Variants in TRABD2B observed in about 807,000 individuals in gnomAD.
TRABD2B encodes TraB domain containing 2B.
A neutral mutation model predicts 40.1 loss-of-function variants in TRABD2B; 14 were observed. The observed-to-expected ratio is 0.35, with a 90% CI of 0.23 to 0.55. TRABD2B has a LOEUF of 0.55. Among genes scored for constraint, TRABD2B ranks in the 20% least tolerant of loss-of-function variants. The pLI, the probability that TRABD2B is intolerant of heterozygous loss-of-function variation, is 0.90. For synonymous variants in TRABD2B, 263 were observed against 277.0 expected (o/e 0.95, Z 0.50); for missense variants, 541 against 648.6 (o/e 0.83, Z 1.80).
intron 2 of TRABD2B, among the ~76,000 whole-genome samples, chr1:47,880,213 G>T (rs1469715661): frequency 1.3e-5 from 2 of 152,178 alleles, no homozygotes; most frequent in African/African-American, 4.8e-5. Context: ...ATACTCATGA[G>T]GCTGAGGCAG....
rs536076983 is a variant in TRABD2B, at chr1:47,859,422, C to T, written c.667-57803G>A. ...TCAGAATCAGCCCCACAGCCCTGTC[C>T]ACCCCACACCCTCCTTTTATACTTC... On this transcript the variant is annotated intron_variant, in intron 2 of 6. Coordinates refer to ENST00000606738, the MANE Select transcript of TRABD2B (RefSeq NM_001194986.2). 2.6e-5 allele frequency among the ~76,000 whole-genome samples: 4 copies of T among 152,338 alleles called. No homozygotes were observed. In the South Asian group the frequency reaches 8.3e-4, roughly 32 times the overall value.
At chr1:47,935,278 G>A (rs1645091931) in intron 2 of TRABD2B, among the ~76,000 whole-genome samples, 1 of 152,200 alleles carries the variant, frequency 6.6e-6, no homozygotes, top group Admixed American at 6.5e-5. Flanking sequence ...CAAAAGCTCA[G>A]AGAGGTTAAG....
chr1:47,778,645 C>G (rs1644480126), intron 4 of TRABD2B, 101 bp from the exon 5 acceptor site: 1 of 818,422 alleles, frequency 1.2e-6, no homozygotes, highest in African/African-American at 1.7e-5. Flanking sequence ...GGCCAGTGAC[C>G]TACACCAAAG....
intron 2 of TRABD2B, among the ~76,000 whole-genome samples, chr1:47,830,688 CTT>C (rs1645236600): frequency 6.6e-6 from 1 of 152,170 alleles, no homozygotes; most frequent in African/African-American, 2.4e-5. Context: ...CCTGTTATCT[CTT>C]TTTTATTTTC....
intron 2 of TRABD2B, among the ~76,000 whole-genome samples, chr1:47,990,412 A>T (rs1645983553): frequency 6.6e-6 from 1 of 151,982 alleles, no homozygotes; most frequent in Non-Finnish European, 1.5e-5. Flanking sequence ...TAAGATCTGG[A>T]CTCAAGACTT....
chr1:47,771,045 T>C (rs953261304), intron 6 of TRABD2B, among the ~76,000 whole-genome samples: 1 of 152,202 alleles, frequency 6.6e-6, no homozygotes, highest in Non-Finnish European at 1.5e-5. Flanking sequence ...TGATCCTGCT[T>C]CTCATTCTCA....
At chr1:47,774,194 C>T (rs910100653) in intron 6 of TRABD2B, among the ~76,000 whole-genome samples, 8 of 152,056 alleles carry the variant, frequency 5.3e-5, no homozygotes, top group Non-Finnish European at 1.0e-4. Context: ...GTTTATTTAA[C>T]GAATAGCCAA....
intron 2 of TRABD2B, among the ~76,000 whole-genome samples, chr1:47,837,554 T>C (rs575358287): frequency 2.0e-5 from 3 of 152,250 alleles, no homozygotes; most frequent in African/African-American, 7.2e-5. Context: ...GAGCCTCCTG[T>C]GACTGTATCT....
chr1:47,955,786 CTG>C (rs2148393777), intron 2 of TRABD2B, among the ~76,000 whole-genome samples: 1 of 152,314 alleles, frequency 6.6e-6, no homozygotes, highest in East Asian at 1.9e-4. Context: ...TCACTGCTGA[CTG>C]TGCTCATGTG....
At chr1:47,950,333 G>A (rs755868125) in intron 2 of TRABD2B, among the ~76,000 whole-genome samples, 2 of 152,058 alleles carry the variant, frequency 1.3e-5, no homozygotes, top group Non-Finnish European at 2.9e-5. Flanking sequence ...GAGGTAAGGT[G>A]TTCAGAAGCA....
chr1:47,863,404 A>AACTCAAC (rs1202513174), intron 2 of TRABD2B, among the ~76,000 whole-genome samples: 2 of 140,840 alleles, frequency 1.4e-5, no homozygotes, highest in Admixed American at 7.1e-5. Context: ...AATCTCTTAA[A>AACTCAAC]ACTCAACAAT....
Position 47,997,126 on chromosome 1 carries a change from C to T in TRABD2B, c.-337G>A. 1.0e-6 allele frequency: 1 copy of T among 983,282 alleles called. No homozygotes were observed. Among genetic ancestry groups the T allele is most frequent in the Non-Finnish European group, 1.2e-6 (1 of 828,840 alleles). The allele number at this position is 983,282 out of a possible 1,614,324, so 60.9% of individuals were successfully genotyped here. A position where few individuals can be genotyped will look rare whatever the true frequency, so the allele number is the denominator to read the frequency against. ...CGCGGTCCAGGGGCGCGCGGGGTTC[C>T]TGGGGCAGAACCGAGAACCCGGGGT... On this transcript the variant is annotated 5_prime_UTR_variant, in exon 1 of 7. Transcript: ENST00000606738.
chr1:47,862,116 C>T (rs1168588897), intron 2 of TRABD2B, among the ~76,000 whole-genome samples: 2 of 152,162 alleles, frequency 1.3e-5, no homozygotes, highest in African/African-American at 2.4e-5. Flanking sequence ...ATAATAACTA[C>T]AGAAAACCTA....
At chr1:47,787,719 G>T (rs1465481192) in intron 4 of TRABD2B, among the ~76,000 whole-genome samples, 1 of 152,200 alleles carries the variant, frequency 6.6e-6, no homozygotes, top group African/African-American at 2.4e-5. Context: ...GGGTTTTGCT[G>T]TGGGATAATG....
intron 3 of TRABD2B, among the ~76,000 whole-genome samples, chr1:47,799,327 AGGGT>A (rs1356008683): frequency 6.6e-6 from 1 of 152,162 alleles, no homozygotes; most frequent in African/African-American, 2.4e-5. Flanking sequence ...CAGATGAAGC[AGGGT>A]GGGCCTGGCC....
At chr1:47,978,454 A>T (rs1397406616) in intron 2 of TRABD2B, among the ~76,000 whole-genome samples, 2 of 152,238 alleles carry the variant, frequency 1.3e-5, no homozygotes, top group Non-Finnish European at 1.5e-5. Context: ...CTGCAAAGCA[A>T]GGTGCGAGGC....
At chr1:47,946,441 A>G (rs1443814425) in intron 2 of TRABD2B, among the ~76,000 whole-genome samples, 11 of 152,150 alleles carry the variant, frequency 7.2e-5, no homozygotes, top group Non-Finnish European at 1.2e-4. Context: ...AGTTTTTATC[A>G]TGAGCAATAT....
chr1:47,943,220 T>TA (rs1320830895), intron 2 of TRABD2B, among the ~76,000 whole-genome samples: 1 of 152,252 alleles, frequency 6.6e-6, no homozygotes, highest in Non-Finnish European at 1.5e-5. Context: ...GACTAGTGTT[T>TA]AATCCATGTT....
At chr1:47,872,483 C>G (rs1206378863) in intron 2 of TRABD2B, among the ~76,000 whole-genome samples, 1 of 152,194 alleles carries the variant, frequency 6.6e-6, no homozygotes, top group Non-Finnish European at 1.5e-5. Context: ...ACAGAGCTAG[C>G]AGCCTGGGGT....
Sources: gnomAD v4.1 joint callset for allele counts (sites outside exome capture counted in the v4.1 genomes callset) on GRCh38, gnomAD v4.1.1 for gene constraint, MANE v1.5 for transcripts, NCBI Gene and HGNC (gene_info 2026-07-23, HGNC 2026-07-21) for gene names.